The following TTLL8 variants were observed in gnomAD, a reference collection of about 807,000 sequenced individuals.
TTLL8 encodes the protein protein monoglycylase TTLL8.
A neutral mutation model predicts 77.8 loss-of-function variants in TTLL8; 65 were observed. The observed-to-expected ratio is 0.84, with a 90% CI of 0.68 to 1.03. TTLL8 has a LOEUF of 1.03. Ranked by LOEUF, TTLL8 falls within the 50% of genes least tolerant of loss-of-function variation. TTLL8 has a pLI of 0.00. For missense variants in TTLL8, 910 were observed against 1,004.5 expected, an observed-to-expected ratio of 0.91 and a Z score of 1.27; for synonymous variants, 402 against 422.8, an observed-to-expected ratio of 0.95 and a Z score of 0.60.
intron 6 of TTLL8, among the ~76,000 whole-genome samples, chr22:50,043,940 A>G (rs1352021913): frequency 6.6e-6 from 1 of 152,204 alleles, no homozygotes; most frequent in Non-Finnish European, 1.5e-5. Flanking sequence ...AATGGTGGAT[A>G]CACGGCATCA....
intron 8 of TTLL8, among the ~76,000 whole-genome samples, chr22:50,038,813 CAA>C (rs958725665): frequency 1.5e-5 from 2 of 135,842 alleles, no homozygotes. Flanking sequence ...ACCCCAATCT[CAA>C]AAAAAAAAAA....
At position 50,046,777 on chromosome 22, in the gene TTLL8, G is replaced by A. The variant is rs2061414856; in HGVS notation, c.393+391C>T. ...GGCCTTGGTGGGAAGGGTGTGGCAA[G>A]CTGCTTTGTGCAGGGCTGGAGGCCG... is the stretch of plus-strand genomic sequence containing the variant. On this transcript the variant is annotated intron_variant, in intron 4 of 13. Transcript: ENST00000266182. Among the ~76,000 whole-genome samples the A allele has an allele frequency of 5.3e-5, 8 of 152,348 alleles. No individual in the cohort carries two copies. In the South Asian group the frequency reaches 1.7e-3, roughly 32 times the overall value.
chr22:50,045,714 G>A (rs1215329654), intron 5 of TTLL8, 142 bp downstream of exon 7: 3 of 1,201,974 alleles, frequency 2.5e-6, no homozygotes, highest in African/African-American at 3.2e-5. Flanking sequence ...CCTCTGTACT[G>A]CCATGACCAT....
chr22:50,056,921 C>T (rs1416305193), upstream of TTLL8: 2 of 1,289,756 alleles, frequency 1.6e-6, no homozygotes, highest in Middle Eastern at 4.3e-4. The surrounding 1 kb of genome is among the most constrained non-coding windows in gnomAD (Gnocchi z 4.1). Flanking sequence ...ATAGCCCCTT[C>T]CTCTCTGGTT....
chr22:50,047,059 G>T (rs1195929625), intron 4 of TTLL8, 109 bp downstream of exon 6: 3 of 1,262,050 alleles, frequency 2.4e-6, no homozygotes, highest in East Asian at 1.1e-4. Flanking sequence ...GATGCACCCA[G>T]GAGGTGACTG....
exon 4 of TTLL8, chr22:50,047,197 A>G (rs2061418055): frequency 1.5e-6 from 2 of 1,367,398 alleles, no homozygotes; most frequent in East Asian, 9.1e-5. Context: ...GTCTTTGCGT[A>G]GTGGTTCAGC....
At chr22:50,051,124 A>T (rs1196006592) in intron 1 of TTLL8, among the ~76,000 whole-genome samples, 1 of 152,180 alleles carries the variant, frequency 6.6e-6, no homozygotes, top group Non-Finnish European at 1.5e-5. Flanking sequence ...GGCCTCCCAC[A>T]GTGCTGGGAT....
chr22:50,042,534 AT>A (rs1188327823), intron 6 of TTLL8, among the ~76,000 whole-genome samples: 3 of 152,224 alleles, frequency 2.0e-5, no homozygotes, highest in Non-Finnish European at 2.9e-5. Flanking sequence ...ATATATACAG[AT>A]GGAAAACAAG....
intron 8 of TTLL8, among the ~76,000 whole-genome samples, chr22:50,037,642 C>T (rs1029095842): frequency 6.6e-6 from 1 of 152,146 alleles, no homozygotes; most frequent in African/African-American, 2.4e-5. Context: ...AAAGACCAAC[C>T]TTTCCCTAAT....
intron 8 of TTLL8, among the ~76,000 whole-genome samples, chr22:50,040,814 G>A (rs1380957771): frequency 2.6e-5 from 4 of 152,170 alleles, no homozygotes; most frequent in East Asian, 1.9e-4. Context: ...CCCATCAGCC[G>A]GCACCTGCTC....
upstream of TTLL8, among the ~76,000 whole-genome samples, chr22:50,055,612 G>A (rs1569236090): frequency 6.7e-6 from 1 of 149,834 alleles, no homozygotes; most frequent in Non-Finnish European, 1.5e-5. Context: ...CCGAGATCGC[G>A]CCATTGCACT....
intron 1 of TTLL8, among the ~76,000 whole-genome samples, chr22:50,053,576 A>G (rs551936959): frequency 1.0e-3 from 152 of 152,324 alleles, no homozygotes; most frequent in African/African-American, 3.6e-3. Flanking sequence ...ATGTTTATAA[A>G]TGTTTATACA....
chr22:50,047,145 A>G (rs761488407), intron 4 of TTLL8, 23 bp downstream of exon 6: 1 of 1,366,384 alleles, frequency 7.3e-7, no homozygotes, highest in South Asian at 1.1e-5. Flanking sequence ...GGCTCCCGCC[A>G]CGCTCAAGCG....
At chr22:50,022,624 C>G (rs1044846246) in intron 12 of TTLL8, among the ~76,000 whole-genome samples, 6 of 151,864 alleles carry the variant, frequency 4.0e-5, no homozygotes, top group Admixed American at 3.9e-4. Flanking sequence ...GCGCATTCCT[C>G]CATCTGACGA....
At chr22:50,046,988 G>C in intron 4 of TTLL8, 180 bp downstream of exon 6, 1 of 726,536 alleles carries the variant, frequency 1.4e-6, no homozygotes, top group Non-Finnish European at 1.7e-6. Flanking sequence ...GGGCACAGGG[G>C]TGCTGGGGGT....
At chr22:50,052,171 C>T (rs993838190) in intron 1 of TTLL8, among the ~76,000 whole-genome samples, 12 of 152,158 alleles carry the variant, frequency 7.9e-5, no homozygotes, top group Admixed American at 2.0e-4. Flanking sequence ...CACCCGCCCA[C>T]GTGGCTGTGC....
chr22:50,032,108 C>T (rs747581157), exon 11 of TTLL8: 20 of 1,356,312 alleles, frequency 1.5e-5, no homozygotes, highest in African/African-American at 7.4e-5. Flanking sequence ...AGGTGGATGG[C>T]GCTGCAGGGG....
At chr22:50,045,495 C>G in intron 5 of TTLL8, 106 bp from the exon 8 acceptor site, 1 of 1,028,958 alleles carries the variant, frequency 9.7e-7, no homozygotes, top group Non-Finnish European at 1.3e-6. Context: ...TTCCCGCCCT[C>G]ATAGCCGATG....
upstream of TTLL8, among the ~76,000 whole-genome samples, chr22:50,058,025 G>A (rs940062726): frequency 2.6e-5 from 4 of 151,256 alleles, no homozygotes; most frequent in East Asian, 7.8e-4. The surrounding 1 kb of genome is among the most constrained non-coding windows in gnomAD (Gnocchi z 4.2). Flanking sequence ...GGGCGGGGAG[G>A]GGGTAGGCCT....
Sources: gnomAD v4.1 joint callset for allele counts (sites outside exome capture counted in the v4.1 genomes callset) on GRCh38, gnomAD v4.1.1 for gene constraint, Gnocchi (gnomAD v3.1) non-coding constraint, MANE v1.5 for transcripts, NCBI Gene and HGNC (gene_info 2026-07-23, HGNC 2026-07-21) for gene names.